The following BCL2 variants were observed in gnomAD, a reference collection of about 807,000 sequenced individuals.
The protein encoded by BCL2 is BCL2 apoptosis regulator.
In BCL2, 1 loss-of-function variant was observed where a neutral mutation model predicts 14.2. That is an observed-to-expected ratio of 0.07 (90% CI 0.02 to 0.33). The LOEUF is 0.33. BCL2 is among the 10% of genes least tolerant of loss of function. The pLI is 0.99. For synonymous variants in BCL2, 151 were observed against 137.2 expected (o/e 1.10, Z -0.70); for missense variants, 247 against 305.9 (o/e 0.81, Z 1.44).
At chr18:63,134,427 T>A (rs1173497912) in intron 2 of BCL2, among the ~76,000 whole-genome samples, 2 of 152,100 alleles carry the variant, frequency 1.3e-5, no homozygotes, top group African/African-American at 4.8e-5. Flanking sequence ...CCCGGTTAAG[T>A]GAGGGCCTCC....
At chr18:63,208,103 T>C (rs1909892196) in intron 2 of BCL2, 1 of 152,238 alleles carries the variant, frequency 6.6e-6, no homozygotes, top group Admixed American at 6.5e-5. Flanking sequence ...TTGTTTTATT[T>C]GTGCAAGTTG....
chr18:63,135,966 A>C (rs1914197683), intron 2 of BCL2, among the ~76,000 whole-genome samples: 2 of 151,862 alleles, frequency 1.3e-5, no homozygotes, highest in African/African-American at 2.4e-5. Flanking sequence ...ACTGGGTGTG[A>C]GGTTGTATCT....
At chr18:63,303,297 G>A (rs1302169375) in intron 2 of BCL2, among the ~76,000 whole-genome samples, 4 of 152,160 alleles carry the variant, frequency 2.6e-5, no homozygotes, top group Non-Finnish European at 5.9e-5. Context: ...GTAGGAACCA[G>A]TGATTAGTAC....
At chr18:63,154,569 C>T (rs1181360105) in intron 2 of BCL2, among the ~76,000 whole-genome samples, 2 of 152,228 alleles carry the variant, frequency 1.3e-5, no homozygotes, top group Non-Finnish European at 2.9e-5. Context: ...CGTTCCTCTA[C>T]AGATCCTGGC....
chr18:63,292,835 G>A (rs116543695), intron 2 of BCL2, among the ~76,000 whole-genome samples: 102 of 152,340 alleles, frequency 6.7e-4, no homozygotes, highest in African/African-American at 2.3e-3. Context: ...ACGCATTAGG[G>A]AAGGAGCTCA....
chr18:63,299,966 C>A (rs191288594), intron 2 of BCL2, among the ~76,000 whole-genome samples: 1 of 152,080 alleles, frequency 6.6e-6, no homozygotes, highest in Admixed American at 6.6e-5. Context: ...ACTGTCCCCC[C>A]CAAGGCCAGA....
intron 2 of BCL2, among the ~76,000 whole-genome samples, chr18:63,154,433 G>T (rs1914723473): frequency 6.6e-6 from 1 of 152,058 alleles, no homozygotes; most frequent in African/African-American, 2.4e-5. Flanking sequence ...TTATCCAAAT[G>T]CCCTGAGTGG....
intron 2 of BCL2, among the ~76,000 whole-genome samples, chr18:63,157,710 T>C (rs574836060): frequency 1.3e-5 from 2 of 152,160 alleles, no homozygotes; most frequent in African/African-American, 4.8e-5. Context: ...AGAGAAGGGG[T>C]GAGAAGCAGA....
intron 2 of BCL2, among the ~76,000 whole-genome samples, chr18:63,270,557 G>A (rs924618217): frequency 3.2e-4 from 48 of 152,052 alleles, no homozygotes; most frequent in African/African-American, 1.1e-3. Flanking sequence ...ACACATATGT[G>A]TATACATAAA....
chr18:63,257,639 G>A (rs1372847299), intron 2 of BCL2, among the ~76,000 whole-genome samples: 1 of 152,222 alleles, frequency 6.6e-6, no homozygotes, highest in African/African-American at 2.4e-5. Flanking sequence ...GAACACGGAT[G>A]GCATCAAGCT....
chr18:63,144,003 A>T (rs1914439834), intron 2 of BCL2, among the ~76,000 whole-genome samples: 1 of 152,238 alleles, frequency 6.6e-6, no homozygotes, highest in African/African-American at 2.4e-5. Flanking sequence ...AGAGATATGC[A>T]CACCTAAGGT....
chr18:63,171,271 TC>T (rs1336929407), intron 2 of BCL2, among the ~76,000 whole-genome samples: 2 of 152,220 alleles, frequency 1.3e-5, no homozygotes, highest in African/African-American at 4.8e-5. Flanking sequence ...CACCTTAATT[TC>T]TAAGATCTGG....
rs144065406 is a variant in BCL2 at position 63,212,784 on chromosome 18, G to A, written c.586-84025C>T. Among the ~76,000 whole-genome samples, 419 of 152,086 alleles carry A rather than the reference G, an allele frequency of 2.8e-3. 2 individuals carry two copies. Among genetic ancestry groups the A allele is most frequent in the African/African-American group, 8.8e-3 (364 of 41,476 alleles). On this transcript the variant is annotated intron_variant, in intron 2 of 2. Coordinates refer to ENST00000333681, the MANE Select transcript of BCL2 (RefSeq NM_000633.3). Reference sequence around the variant, plus strand: ...CCAGTTACTCAGGAGGCTGAGGCAGGAGAATCACTTGAACCCAGAAGGCGG... The same window carrying A: ...CCAGTTACTCAGGAGGCTGAGGCAGAAGAATCACTTGAACCCAGAAGGCGG...
intron 2 of BCL2, among the ~76,000 whole-genome samples, chr18:63,255,040 C>T (rs1011592507): frequency 1.4e-4 from 21 of 152,132 alleles, no homozygotes; most frequent in Admixed American, 2.0e-4. Context: ...GGCAAGTGTA[C>T]GGCTGCCAGT....
chr18:63,271,996 G>A (rs1272273293), intron 2 of BCL2, among the ~76,000 whole-genome samples: 3 of 152,202 alleles, frequency 2.0e-5, no homozygotes, highest in Admixed American at 2.0e-4. Flanking sequence ...TCATGGGGAA[G>A]CATAGCACCA....
rs201289129 is a variant in BCL2 at position 63,223,995 on chromosome 18, G to GA, written c.585+94086dup. 2.2e-3 allele frequency among the ~76,000 whole-genome samples: 333 copies of GA among 149,550 alleles called. 1 individual carries two copies. Among genetic ancestry groups the GA allele is most frequent in the African/African-American group, 5.3e-3 (217 of 40,802 alleles). On this transcript the variant is annotated intron_variant, in intron 2 of 2. Transcript: ENST00000333681. The stretch of plus-strand genomic sequence containing the variant: ...GAGAGGCAAAGACAATTTCTGAAAA[G>GA]AAAAAAAAATGCAGAAAACTAAGAG...
intron 2 of BCL2, among the ~76,000 whole-genome samples, chr18:63,293,315 G>A (rs774422325): frequency 2.0e-5 from 3 of 152,196 alleles, no homozygotes; most frequent in Non-Finnish European, 4.4e-5. Context: ...AGCAGCACTC[G>A]TACTTCTCTT....
At chr18:63,169,307 T>TC in intron 2 of BCL2, among the ~76,000 whole-genome samples, 1 of 74,028 alleles carries the variant, frequency 1.4e-5, no homozygotes, top group East Asian at 4.1e-4. Context: ...TTTCTTTCTT[T>TC]CTTCCTTCCT....
chr18:63,276,319 T>A (rs964195652), intron 2 of BCL2, among the ~76,000 whole-genome samples: 2 of 151,472 alleles, frequency 1.3e-5, no homozygotes, highest in African/African-American at 2.4e-5. Context: ...TGGCTTCTCA[T>A]TACATGCAAA....
Sources: allele counts gnomAD v4.1 joint callset (sites outside exome capture counted in the v4.1 genomes callset), GRCh38; gene constraint gnomAD v4.1.1; transcripts MANE v1.5; gene names NCBI Gene and HGNC (gene_info 2026-07-23, HGNC 2026-07-21).